Variants in GRIN2A observed in about 807,000 individuals in gnomAD.
GRIN2A encodes glutamate ionotropic receptor NMDA type subunit 2A.
Under a neutral mutation model 113.4 loss-of-function variants are expected in GRIN2A, and 22 were observed. That is an observed-to-expected ratio of 0.19 (90% confidence interval 0.14 to 0.28). The LOEUF is 0.28. Among genes scored for constraint, GRIN2A ranks in the 10% least tolerant of loss-of-function variants. The pLI is 1.00. For missense variants in GRIN2A, 1,502 were observed against 1,887.0 expected (o/e 0.80, Z 3.78); for synonymous variants, 827 against 738.4 (o/e 1.12, Z -1.94).
chr16:9,897,654 T>A (rs7188892), intron 3 of GRIN2A, among the ~76,000 whole-genome samples: 43,142 of 152,112 alleles, frequency 0.28, 7,035 homozygotes, highest in African/African-American at 0.44. Context: ...AGTTTAGGCA[T>A]GTTGGGTTAA....
chr16:10,123,333 C>T (rs2048868867), intron 2 of GRIN2A, among the ~76,000 whole-genome samples: 1 of 152,206 alleles, frequency 6.6e-6, no homozygotes, highest in East Asian at 1.9e-4. Flanking sequence ...GCTGAAGCAG[C>T]CTCTTTTTTT....
intron 2 of GRIN2A, chr16:10,037,082 T>A (rs1034746474): frequency 1.3e-5 from 2 of 152,158 alleles, no homozygotes; most frequent in African/African-American, 4.8e-5. Context: ...TGTCATCTCA[T>A]AGACACCTCC....
chr16:9,836,510 T>C (rs1377545264), intron 7 of GRIN2A, among the ~76,000 whole-genome samples: 1 of 152,220 alleles, frequency 6.6e-6, no homozygotes, highest in Admixed American at 6.5e-5. Context: ...TCCTTGTCAC[T>C]AACACGCTAG....
chr16:10,120,305 A>G (rs962479107), intron 2 of GRIN2A, among the ~76,000 whole-genome samples: 2 of 152,212 alleles, frequency 1.3e-5, no homozygotes, highest in Admixed American at 6.5e-5. Flanking sequence ...ATGTTGCTAT[A>G]TATCTTACAA....
chr16:10,085,320 G>A (rs1290915252), intron 2 of GRIN2A, among the ~76,000 whole-genome samples: 1 of 152,176 alleles, frequency 6.6e-6, no homozygotes, highest in East Asian at 1.9e-4. Context: ...GAATGGCTAA[G>A]TATACATACT....
At chr16:10,156,403 G>C (rs1008418996) in intron 2 of GRIN2A, among the ~76,000 whole-genome samples, 2 of 152,208 alleles carry the variant, frequency 1.3e-5, no homozygotes, top group African/African-American at 4.8e-5. Flanking sequence ...AGAGAAATAA[G>C]GAAAGAAAGT....
At chr16:10,100,414 G>A (rs911348191) in intron 2 of GRIN2A, among the ~76,000 whole-genome samples, 11 of 152,172 alleles carry the variant, frequency 7.2e-5, no homozygotes, top group Admixed American at 5.9e-4. Flanking sequence ...GGATCACAGA[G>A]CTGCTGATGG....
chr16:10,104,663 A>G (rs573147135), intron 2 of GRIN2A, among the ~76,000 whole-genome samples: 1 of 152,292 alleles, frequency 6.6e-6, no homozygotes, highest in Non-Finnish European at 1.5e-5. Context: ...CATGACAGAG[A>G]CAAGTTTCTG....
At chr16:10,129,380 AAAC>A (rs975118504) in intron 2 of GRIN2A, among the ~76,000 whole-genome samples, 3 of 152,224 alleles carry the variant, frequency 2.0e-5, no homozygotes, top group African/African-American at 7.2e-5. Flanking sequence ...ATTAAAAAAA[AAAC>A]AAAACACTAA....
At chr16:10,133,157 C>T (rs1231420742) in intron 2 of GRIN2A, among the ~76,000 whole-genome samples, 1 of 152,222 alleles carries the variant, frequency 6.6e-6, no homozygotes, top group African/African-American at 2.4e-5. Context: ...ATCCCTTTTG[C>T]CATAAATCAT....
intron 2 of GRIN2A, among the ~76,000 whole-genome samples, chr16:10,049,822 G>A (rs1343935471): frequency 1.3e-5 from 2 of 152,136 alleles, no homozygotes; most frequent in African/African-American, 4.8e-5. Flanking sequence ...AACATTTTGT[G>A]CAATTTTTTT....
chr16:10,127,775 A>G (rs1303863239), intron 2 of GRIN2A, among the ~76,000 whole-genome samples: 1 of 152,218 alleles, frequency 6.6e-6, no homozygotes, highest in Non-Finnish European at 1.5e-5. Flanking sequence ...TAAGTCATCC[A>G]TACCAAGAGT....
chr16:9,759,842 C>G lies in GRIN2A; in HGVS notation c.*3307G>C, dbSNP rs1900499533. On this transcript the variant is annotated 3_prime_UTR_variant, in exon 13 of 13. Transcript: ENST00000330684. Reference sequence around the variant, plus strand: ...AAACCATAAGTGGCCTAAGAACCTGCAGATGTAAGGATGATGAAACCCATT... The same window carrying G: ...AAACCATAAGTGGCCTAAGAACCTGGAGATGTAAGGATGATGAAACCCATT... The G allele has an allele frequency of 1.3e-5, 3 of 229,384 alleles. No homozygotes were observed. The Admixed American group carries it at 1.7e-4, about 13-fold the overall frequency. The allele number at this position is 229,384 out of a possible 1,614,324, so 14.2% of individuals were successfully genotyped here. A position where few individuals can be genotyped will look rare whatever the true frequency, so the allele number is the denominator to read the frequency against.
Position 9,866,887 on chromosome 16 carries a change from C to T in GRIN2A, c.1123-16926G>A, listed in dbSNP as rs562389247. Among the ~76,000 whole-genome samples the T allele has an allele frequency of 2.0e-5, 3 of 152,156 alleles. No homozygotes were observed. The South Asian group carries it at 6.2e-4, about 32-fold the overall frequency. On this transcript the variant is annotated intron_variant, in intron 4 of 12. Transcript: ENST00000330684. ...CCAGTCCACTGTAGCCACCCATTCCCATGGGGGAAATTCACTTAGAACTGC... is the reference window on the plus strand; with the variant it reads ...CCAGTCCACTGTAGCCACCCATTCCTATGGGGGAAATTCACTTAGAACTGC...
At chr16:9,885,724 G>T (rs781451687) in intron 4 of GRIN2A, among the ~76,000 whole-genome samples, 3 of 90,752 alleles carry the variant, frequency 3.3e-5, no homozygotes, top group Non-Finnish European at 5.1e-5. Context: ...GTGTAGTGCT[G>T]GGGGGGCAGC....
intron 2 of GRIN2A, among the ~76,000 whole-genome samples, chr16:10,078,590 C>G (rs1468012375): frequency 6.6e-6 from 1 of 152,162 alleles, no homozygotes; most frequent in African/African-American, 2.4e-5. Context: ...GAAGCCAGGC[C>G]ACGTAGTCAT....
chr16:9,988,944 G>C (rs920418158), intron 2 of GRIN2A, among the ~76,000 whole-genome samples: 1 of 152,102 alleles, frequency 6.6e-6, no homozygotes, highest in Non-Finnish European at 1.5e-5. Flanking sequence ...TTGAAGACTT[G>C]ATATCTTGGT....
intron 2 of GRIN2A, among the ~76,000 whole-genome samples, chr16:10,066,915 T>A (rs1356877246): frequency 6.6e-6 from 1 of 152,138 alleles, no homozygotes; most frequent in Non-Finnish European, 1.5e-5. Flanking sequence ...GTAAACAAAA[T>A]GTAAATACAT....
At chr16:10,036,841 C>A (rs2047044632) in intron 2 of GRIN2A, 2 of 152,078 alleles carry the variant, frequency 1.3e-5, no homozygotes, top group Admixed American at 1.3e-4. Context: ...TATAAGGACA[C>A]CAGTCTTATC....
Sources: allele counts gnomAD v4.1 joint callset (sites outside exome capture counted in the v4.1 genomes callset), GRCh38; gene constraint gnomAD v4.1.1; transcripts MANE v1.5; gene names NCBI Gene and HGNC (gene_info 2026-07-23, HGNC 2026-07-21).